Variants in PIK3C2B observed in about 807,000 individuals in gnomAD.
PIK3C2B encodes the protein phosphatidylinositol 4-phosphate 3-kinase C2 domain-containing subunit beta.
PIK3C2B carries 83 observed loss-of-function variants against 184.3 expected under a neutral mutation model. The observed-to-expected ratio is 0.45, with a 90% CI of 0.38 to 0.54. The LOEUF (loss-of-function observed/expected upper bound fraction) is 0.54, where lower values mean the gene tolerates loss of function less well. Ranked by LOEUF, PIK3C2B falls within the 20% of genes least tolerant of loss-of-function variation. The pLI is 0.00. For missense variants in PIK3C2B, 1,736 were observed against 2,113.5 expected (o/e 0.82, Z 3.50); for synonymous variants, 779 against 837.6 (o/e 0.93, Z 1.21).
At chr1:204,467,560 G>A (rs1655909634) in intron 2 of PIK3C2B, among the ~76,000 whole-genome samples, 3 of 152,098 alleles carry the variant, frequency 2.0e-5, no homozygotes, top group Non-Finnish European at 4.4e-5. Context: ...AGCAGCCAGG[G>A]GCATTGGCTT....
rs769039825 is a variant in PIK3C2B at position 204,447,412 on chromosome 1, A to G, written c.2489+24T>C. ...TGGGAGGTCAGATGAAACATGACAGATTCAGTGGGGGCCCGGGTCTCACCA... is the reference window on the plus strand; with the variant it reads ...TGGGAGGTCAGATGAAACATGACAGGTTCAGTGGGGGCCCGGGTCTCACCA... On this transcript the variant is annotated intron_variant, in intron 15 of 32. Transcript: ENST00000684373. The surrounding 1 kb of genome is among the most constrained non-coding windows in gnomAD (Gnocchi z 4.1). 4.4e-6 allele frequency: 7 copies of G among 1,605,146 alleles called. No individual in the cohort carries two copies. The East Asian group carries it at 1.6e-4, about 36-fold the overall frequency.
intron 1 of PIK3C2B, chr1:204,490,118 C>G (rs1657912846): frequency 1.5e-5 from 6 of 394,446 alleles, no homozygotes; most frequent in Non-Finnish European, 2.7e-5. Context: ...GGAAGGATAA[C>G]AGTTTCCAAA....
intron 2 of PIK3C2B, among the ~76,000 whole-genome samples, chr1:204,466,060 G>C (rs750191816): frequency 6.6e-6 from 1 of 152,176 alleles, no homozygotes; most frequent in Non-Finnish European, 1.5e-5. Flanking sequence ...GGTCCCAAAC[G>C]GTCTCCCATC....
At chr1:204,448,384 GA>G (rs1229183468) in intron 14 of PIK3C2B, among the ~76,000 whole-genome samples, 1 of 151,968 alleles carries the variant, frequency 6.6e-6, no homozygotes, top group Non-Finnish European at 1.5e-5. Context: ...TTGCAGGCAT[GA>G]GCCACCACAC....
chr1:204,483,934 T>C (rs754470538), intron 1 of PIK3C2B, among the ~76,000 whole-genome samples: 9 of 152,314 alleles, frequency 5.9e-5, no homozygotes, highest in Non-Finnish European at 1.2e-4. Flanking sequence ...TTAAGCTGGA[T>C]GAGCGACCAG....
intron 5 of PIK3C2B, among the ~76,000 whole-genome samples, chr1:204,461,628 C>T (rs537694562): frequency 1.3e-5 from 2 of 152,236 alleles, no homozygotes; most frequent in South Asian, 2.1e-4. Context: ...CATGAGGGCT[C>T]GAGTGAGGGG....
chr1:204,472,937 T>A (rs542098691), intron 1 of PIK3C2B, among the ~76,000 whole-genome samples: 2 of 152,088 alleles, frequency 1.3e-5, no homozygotes, highest in Non-Finnish European at 2.9e-5. Context: ...TGTGATTAGG[T>A]TGGGGGAGAC....
chr1:204,446,506 G>A (rs1258116283), intron 15 of PIK3C2B, among the ~76,000 whole-genome samples: 4 of 152,214 alleles, frequency 2.6e-5, no homozygotes, highest in Non-Finnish European at 5.9e-5. Flanking sequence ...CAAGGGCACC[G>A]AATCTGCTAC....
chr1:204,447,627 T>C lies in PIK3C2B; in HGVS notation c.2347-49A>G. On this transcript the variant is annotated intron_variant, in intron 14 of 32. Transcript: ENST00000684373. This position sits in a 1 kb window ranked among gnomAD's most constrained non-coding sequence, Gnocchi z 4.1. Reference sequence around the variant, plus strand: ...GAGGAGAGAAAACAGGCAGCGTGTGTGGACTCCCAGCTTCTTTCTCTCACC... The same window carrying C: ...GAGGAGAGAAAACAGGCAGCGTGTGCGGACTCCCAGCTTCTTTCTCTCACC... 1 of 1,409,206 alleles carries C rather than the reference T, an allele frequency of 7.1e-7. No individual in the cohort carries two copies. Among genetic ancestry groups the C allele is most frequent in the Non-Finnish European group, 9.9e-7 (1 of 1,009,704 alleles). 87.3% of individuals were successfully genotyped at this position (1,409,206 alleles called of 1,614,324 possible).
At chr1:204,485,576 CTT>C (rs11407141) in intron 1 of PIK3C2B, among the ~76,000 whole-genome samples, 37 of 140,326 alleles carry the variant, frequency 2.6e-4, no homozygotes, top group Middle Eastern at 3.6e-3. Flanking sequence ...GTCATTCTTC[CTT>C]TTTTTTTTTT....
At position 204,433,285 on chromosome 1, in the gene PIK3C2B, C is replaced by G; in HGVS notation, c.3953+31G>C. On this transcript the variant is annotated intron_variant, in intron 26 of 32. Coordinates refer to ENST00000684373, the MANE Select transcript of PIK3C2B (RefSeq NM_001377334.1). This position sits in a 1 kb window ranked among gnomAD's most constrained non-coding sequence, Gnocchi z 5.0. ...CAGGCTGGGAATTACTCAGGGTGGG[C>G]AGTGCTGATTCGCTCAGGGAATCAT... The G allele has an allele frequency of 8.8e-7, 1 of 1,139,300 alleles. No homozygotes were observed. The highest frequency in any genetic ancestry group is 1.3e-6 in the Non-Finnish European group (1 of 750,530). 70.6% of individuals were successfully genotyped at this position (1,139,300 alleles called of 1,614,324 possible).
At chr1:204,435,625 C>G (rs921024142) in intron 23 of PIK3C2B, 2 of 152,210 alleles carry the variant, frequency 1.3e-5, no homozygotes, top group Non-Finnish European at 2.9e-5. Flanking sequence ...CCTCTGAACC[C>G]CTACAGATGC....
intron 30 of PIK3C2B, 56 bp downstream of exon 30, chr1:204,428,083 T>C (rs1674843041): frequency 7.0e-6 from 7 of 994,522 alleles, no homozygotes; most frequent in Non-Finnish European, 1.1e-5. Flanking sequence ...CAGAAGCAGT[T>C]ACCCTTGGGG....
intron 21 of PIK3C2B, among the ~76,000 whole-genome samples, chr1:204,441,155 T>C (rs1487521619): frequency 6.6e-6 from 1 of 152,210 alleles, no homozygotes; most frequent in Non-Finnish European, 1.5e-5. Flanking sequence ...CCACATGGCA[T>C]TCAGCCTCTG....
chr1:204,434,861 A>G (rs1266005304), intron 23 of PIK3C2B, among the ~76,000 whole-genome samples: 1 of 152,218 alleles, frequency 6.6e-6, no homozygotes, highest in Non-Finnish European at 1.5e-5. Flanking sequence ...TCTGAATACC[A>G]TCTTCTCCTT....
In PIK3C2B at chr1:204,469,589, C is replaced by A; in HGVS notation, c.214G>T (p.Ala72Ser). Residue 72 changes from alanine (A) to serine (S), a missense_variant, in exon 2 of 33, where the codon GCA (alanine) becomes TCA (serine). By Grantham distance (99) the Ala-to-Ser change is moderately conservative. This residue lies in a region of PIK3C2B where 404 missense variants were observed against 418.0 expected (regional missense o/e 0.97). Transcript: ENST00000684373. ...AGCTTGAGGTCGGTCCGCCTTCCTG[C>A]TGGCTTGCTGTAAAAGTCTACCCCA... ...EPGVDFYSKP[A>S]GRRTDLKLLR... The A allele has an allele frequency of 1.3e-6, 2 of 1,597,190 alleles. No homozygotes were observed. The highest frequency in any genetic ancestry group is 1.7e-6 in the Non-Finnish European group (2 of 1,170,448).
chr1:204,465,096 G>T, intron 3 of PIK3C2B, 123 bp downstream of exon 3: 1 of 696,096 alleles, frequency 1.4e-6, no homozygotes, highest in Non-Finnish European at 2.6e-6. Flanking sequence ...CATTTTCATA[G>T]CTATGAACTG....
At chr1:204,482,610 C>A (rs1657257953) in intron 1 of PIK3C2B, among the ~76,000 whole-genome samples, 1 of 152,048 alleles carries the variant, frequency 6.6e-6, no homozygotes, top group South Asian at 2.1e-4. Flanking sequence ...CATGGTGAAA[C>A]CCCGTCTCCA....
rs1221191063 is a variant in PIK3C2B at position 204,434,421 on chromosome 1, C to A, written c.3686+18G>T. The A allele has an allele frequency of 6.2e-7, 1 of 1,612,874 alleles. No individual in the cohort carries two copies. The highest frequency in any genetic ancestry group is 8.5e-7 in the Non-Finnish European group (1 of 1,179,254). ...TCCTTGCCCTTCACTCACAATCTGG[C>A]TTCAGGAGATCACTTACCGCTTGAT... On this transcript the variant is annotated intron_variant, in intron 24 of 32. Transcript: ENST00000684373.
Sources: allele counts gnomAD v4.1 joint callset (sites outside exome capture counted in the v4.1 genomes callset), GRCh38; gene constraint gnomAD v4.1.1; regional missense constraint gnomAD v4.1.1; non-coding constraint Gnocchi (gnomAD v3.1); transcripts MANE v1.5; gene names NCBI Gene and HGNC (gene_info 2026-07-23, HGNC 2026-07-21).